Variants in KIF6 observed in about 807,000 individuals in gnomAD.
The protein encoded by KIF6 is kinesin-like protein KIF6.
In KIF6, 106 loss-of-function variants were observed where a neutral mutation model predicts 112.7. The observed-to-expected ratio is 0.94, with a 90% CI of 0.80 to 1.11. The LOEUF is 1.11. KIF6 is among the 50% of genes least tolerant of loss of function. The pLI is 0.00. For synonymous variants in KIF6, 339 were observed against 339.9 expected (o/e 1.00, Z 0.03); for missense variants, 929 against 964.0 (o/e 0.96, Z 0.48).
rs1387679626 is a variant in KIF6, at chr6:39,334,418, A to C, written c.*2114T>G. 1 of 152,254 alleles carries C rather than the reference A, an allele frequency of 6.6e-6. No individual in the cohort carries two copies. The highest frequency in any genetic ancestry group is 2.4e-5 in the African/African-American group (1 of 41,442). 9.4% of individuals were successfully genotyped at this position (152,254 alleles called of 1,614,324 possible). A position where few individuals can be genotyped will look rare whatever the true frequency, so the allele number is the denominator to read the frequency against. On this transcript the variant is annotated 3_prime_UTR_variant, in exon 23 of 23. Coordinates refer to ENST00000287152, the MANE Select transcript of KIF6 (RefSeq NM_145027.6). ...CCACACAGTGAGACCCTGTCTCTAC[A>C]AAAAATTTAAAACGAGCTAGGTGTG...
chr6:39,363,475 C>T (rs1158338869), intron 16 of KIF6, among the ~76,000 whole-genome samples: 1 of 152,174 alleles, frequency 6.6e-6, no homozygotes, highest in Non-Finnish European at 1.5e-5. Flanking sequence ...CTGTCTTCCC[C>T]CACATGACTG....
chr6:39,489,250 G>GT (rs1775317425), intron 13 of KIF6, among the ~76,000 whole-genome samples: 1 of 152,002 alleles, frequency 6.6e-6, no homozygotes, highest in Admixed American at 6.6e-5. Flanking sequence ...TTGAAGCTCA[G>GT]TTTTTTAAAG....
At chr6:39,492,820 T>A (rs1376890221) in intron 13 of KIF6, among the ~76,000 whole-genome samples, 1 of 152,210 alleles carries the variant, frequency 6.6e-6, no homozygotes, top group Non-Finnish European at 1.5e-5. Context: ...TTGATTTAGA[T>A]CCTTGACCTT....
At chr6:39,701,401 T>C (rs1788869019) in intron 3 of KIF6, among the ~76,000 whole-genome samples, 1 of 152,236 alleles carries the variant, frequency 6.6e-6, no homozygotes, top group Non-Finnish European at 1.5e-5. Flanking sequence ...CCTGGACTGC[T>C]CTGAGGTGTA....
rs950126617 is a variant in KIF6, at chr6:39,333,226, A to G, written c.*3306T>C. The G allele has an allele frequency of 1.3e-5, 2 of 152,204 alleles. No individual in the cohort carries two copies. Among genetic ancestry groups the G allele is most frequent in the Non-Finnish European group, 2.9e-5 (2 of 68,038 alleles). 9.4% of individuals were successfully genotyped at this position (152,204 alleles called of 1,614,324 possible). On this transcript the variant is annotated 3_prime_UTR_variant, in exon 23 of 23. Coordinates refer to ENST00000287152, the MANE Select transcript of KIF6 (RefSeq NM_145027.6). The stretch of plus-strand genomic sequence containing the variant: ...TGCATGGAGAGACAATGAACTCTGC[A>G]CTGAGAAATCCTAGATCCAGTCATA...
At position 39,725,379 on chromosome 6, in the gene KIF6, C is replaced by T; in HGVS notation, c.-69G>A. 8.0e-7 allele frequency: 1 copy of T among 1,253,950 alleles called. No homozygotes were observed. The highest frequency in any genetic ancestry group is 2.5e-5 in the East Asian group (1 of 39,410). 77.7% of individuals were successfully genotyped at this position (1,253,950 alleles called of 1,614,324 possible). A position where few individuals can be genotyped will look rare whatever the true frequency, so the allele number is the denominator to read the frequency against. ...GGGCTGCCAAAACTAACTCCCACCA[C>T]CTCCGGCGACCCACAGTCTTAGCAA... On this transcript the variant is annotated 5_prime_UTR_variant, in exon 1 of 23. In the 5' UTR this introduces an upstream ATG that the reference lacks. Transcript: ENST00000287152.
In KIF6 at chr6:39,662,565, C is replaced by G. The variant is rs900782281; in HGVS notation, c.252-22808G>C. On this transcript the variant is annotated intron_variant, in intron 3 of 22. Coordinates refer to ENST00000287152, the MANE Select transcript of KIF6 (RefSeq NM_145027.6). ...TTGTAGGTTGAAGTAGGTGTTTGAA[C>G]ACACAGCTTTTATAGAGACAATATC... Among the ~76,000 whole-genome samples, 3 of 152,108 alleles carry G rather than the reference C, an allele frequency of 2.0e-5. No homozygotes were observed. In the South Asian group the frequency reaches 6.2e-4, roughly 32 times the overall value.
chr6:39,346,099 C>T (rs1581632193), intron 20 of KIF6, among the ~76,000 whole-genome samples: 3 of 40,682 alleles, frequency 7.4e-5, no homozygotes, highest in African/African-American at 1.2e-4. Context: ...CCCCCTCTCC[C>T]TCCCCCCCTC....
At chr6:39,439,686 A>G (rs1771789350) in intron 13 of KIF6, among the ~76,000 whole-genome samples, 1 of 151,998 alleles carries the variant, frequency 6.6e-6, no homozygotes. Flanking sequence ...TCCCTTACCC[A>G]CTTCTTAATG....
At chr6:39,425,771 T>C (rs761531797) in intron 14 of KIF6, among the ~76,000 whole-genome samples, 3 of 149,124 alleles carry the variant, frequency 2.0e-5, no homozygotes, top group Non-Finnish European at 4.4e-5. Context: ...ATCATTTTAG[T>C]TCAGCAGAAA....
intron 3 of KIF6, among the ~76,000 whole-genome samples, chr6:39,660,314 G>A (rs1185701702): frequency 6.6e-6 from 1 of 152,162 alleles, no homozygotes; most frequent in Admixed American, 6.6e-5. Context: ...TTCATGTGCT[G>A]TCACAGTTCA....
In KIF6 at chr6:39,714,766, T is replaced by C; in HGVS notation, c.177A>G (p.Lys59=). 3 of 1,601,288 alleles carry C rather than the reference T, an allele frequency of 1.9e-6. No individual in the cohort carries two copies. The highest frequency in any genetic ancestry group is 2.6e-6 in the Non-Finnish European group (3 of 1,168,626). Residue 59 remains lysine, a splice_region_variant and synonymous_variant, in exon 3 of 23, where the codon AAA becomes AAG. Coordinates refer to ENST00000287152, the MANE Select transcript of KIF6 (RefSeq NM_145027.6). The part of the protein sequence containing the change: ...VNNKRESYKF[K]FQRIFDQDAN... ...CATCCTGATCAAAAATTCTTTGAAA[T>C]CTGCAATGTGAAAAATAGTAATTAT...
chr6:39,390,846 G>A, intron 15 of KIF6, among the ~76,000 whole-genome samples: 1 of 152,084 alleles, frequency 6.6e-6, no homozygotes, highest in African/African-American at 2.4e-5. Flanking sequence ...AGTTTTTTTG[G>A]TACTAACATG....
chr6:39,456,269 A>T (rs201283802), intron 13 of KIF6, among the ~76,000 whole-genome samples: 7 of 100,324 alleles, frequency 7.0e-5, no homozygotes, highest in African/African-American at 1.6e-4. Context: ...CCAGCCAAAC[A>T]AAGCTTCATA....
chr6:39,701,276 G>A (rs1032524926), intron 3 of KIF6, among the ~76,000 whole-genome samples: 8 of 152,138 alleles, frequency 5.3e-5, no homozygotes, highest in East Asian at 3.8e-4. Flanking sequence ...CAGCCCCCAC[G>A]GGAAGCCCTG....
Position 39,720,793 on chromosome 6 carries a change from CT to C in KIF6, c.84del (p.Asp29MetfsTer4). ...KHQQGIYSIDEDEKLIPSLEI... is the reference protein window; with the variant it reads ...KHQQGIYSIDXDEKLIPSLEI... Reference sequence around the variant, plus strand: ...TCCAAGCTAGGTATTAATTTTTCATCTTCATCTATGGAATAAATCTGCAAAT... The same window carrying C: ...TCCAAGCTAGGTATTAATTTTTCATCTCATCTATGGAATAAATCTGCAAAT... On this transcript the variant is annotated frameshift_variant, in exon 2 of 23. Transcript: ENST00000287152. LOFTEE classifies it high-confidence loss of function. 1 of 1,575,912 alleles carries C rather than the reference CT, an allele frequency of 6.3e-7. No individual in the cohort carries two copies.
chr6:39,691,766 T>C (rs1460991270), intron 3 of KIF6: 1 of 152,210 alleles, frequency 6.6e-6, no homozygotes, highest in African/African-American at 2.4e-5. Flanking sequence ...TTAAAACATA[T>C]CACTTTGGCG....
At position 39,380,213 on chromosome 6, in the gene KIF6, G is replaced by T. The variant is rs550813801; in HGVS notation, c.1861+5409C>A. Among the ~76,000 whole-genome samples, 27 of 152,258 alleles carry T rather than the reference G, an allele frequency of 1.8e-4. No homozygotes were observed. The East Asian group carries it at 4.0e-3, about 23-fold the overall frequency. ...AATTTAAAAATAACATTGTTCTATT[G>T]TTTCCTGAAATAGTGTGTGGGAGTC... On this transcript the variant is annotated intron_variant, in intron 16 of 22. Transcript: ENST00000287152.
chr6:39,398,313 C>T (rs777420409), intron 15 of KIF6, among the ~76,000 whole-genome samples: 16 of 152,156 alleles, frequency 1.1e-4, no homozygotes, highest in Admixed American at 2.0e-4. Context: ...ATGTACATCC[C>T]AGAGCACAGC....
Sources: allele counts gnomAD v4.1 joint callset (sites outside exome capture counted in the v4.1 genomes callset), GRCh38; gene constraint gnomAD v4.1.1; transcripts MANE v1.5; gene names NCBI Gene and HGNC (gene_info 2026-07-23, HGNC 2026-07-21).